Variants in PROS1 observed in about 807,000 individuals in gnomAD.
PROS1 encodes the protein protein S.
PROS1 carries 29 observed loss-of-function variants against 75.9 expected under a neutral mutation model. The observed-to-expected ratio is 0.38, with a 90% CI of 0.28 to 0.52. The LOEUF (loss-of-function observed/expected upper bound fraction) is 0.52, where lower values mean the gene tolerates loss of function less well. Ranked by LOEUF, PROS1 falls within the 20% of genes least tolerant of loss-of-function variation. The probability of loss-of-function intolerance (pLI) is 0.83; values close to 1 mark genes in which losing one functional copy is unlikely to be tolerated. For synonymous variants in PROS1, 245 were observed against 280.6 expected, an observed-to-expected ratio of 0.87 and a Z score of 1.27; for missense variants, 680 against 810.3, an observed-to-expected ratio of 0.84 and a Z score of 1.95.
chr3:93,955,742 A>C (rs1709588661), intron 1 of PROS1, among the ~76,000 whole-genome samples: 1 of 152,074 alleles, frequency 6.6e-6, no homozygotes, highest in South Asian at 2.1e-4. Flanking sequence ...AAAGAAAGGC[A>C]AAGAAAATTC....
At chr3:93,909,905 C>A (rs1014581035) in intron 4 of PROS1, among the ~76,000 whole-genome samples, 4 of 151,870 alleles carry the variant, frequency 2.6e-5, no homozygotes, top group Non-Finnish European at 4.4e-5. Flanking sequence ...TTATTCTGTT[C>A]TTTCGTAAAT....
In PROS1 at chr3:93,898,484, T is replaced by C; in HGVS notation, c.813A>G (p.Lys271=). ...TCTGATCTTGGGCAAGTTTGAATCCTTTCTTCCCATCACAATAGCAAGTGT... is the reference window on the plus strand; with the variant it reads ...TCTGATCTTGGGCAAGTTTGAATCCCTTCTTCCCATCACAATAGCAAGTGT... ...GGYTCYCDGK[K]GFKLAQDQKS... The change falls in exon 8 of 15, where the codon AAA becomes AAG. Residue 271 remains lysine (K), a synonymous_variant. Coordinates refer to ENST00000394236, the MANE Select transcript of PROS1 (RefSeq NM_000313.4). The C allele has an allele frequency of 6.2e-7, 1 of 1,612,796 alleles. No homozygotes were observed. Among genetic ancestry groups the C allele is most frequent in the Middle Eastern group, 1.7e-4 (1 of 6,050 alleles).
intron 1 of PROS1, among the ~76,000 whole-genome samples, chr3:93,963,271 A>C (rs1709735469): frequency 6.6e-6 from 1 of 152,174 alleles, no homozygotes; most frequent in Non-Finnish European, 1.5e-5. Flanking sequence ...TGACCATGAG[A>C]TGTAAACAGC....
intron 1 of PROS1, among the ~76,000 whole-genome samples, chr3:93,940,982 C>G (rs1460865931): frequency 1.3e-5 from 2 of 152,138 alleles, no homozygotes; most frequent in Admixed American, 1.3e-4. Context: ...TACCTTCCTC[C>G]ACAACTCACT....
At chr3:93,912,039 C>A (rs1462426183) in intron 3 of PROS1, among the ~76,000 whole-genome samples, 3 of 152,172 alleles carry the variant, frequency 2.0e-5, no homozygotes, top group Non-Finnish European at 4.4e-5. Context: ...GCTGCTATGA[C>A]AAATTACCAC....
intron 2 of PROS1, 31 bp downstream of exon 2, chr3:93,927,219 T>G: frequency 3.1e-6 from 5 of 1,611,776 alleles, no homozygotes; most frequent in Non-Finnish European, 4.2e-6. Flanking sequence ...TGTCTAGATG[T>G]GTGAACTTGA....
chr3:93,954,091 G>A (rs1225444417), intron 1 of PROS1, among the ~76,000 whole-genome samples: 4 of 152,150 alleles, frequency 2.6e-5, no homozygotes, highest in African/African-American at 7.2e-5. Flanking sequence ...CAAAAAAATG[G>A]AAGAACATTC....
chr3:93,949,828 G>A lies in PROS1; in HGVS notation c.77-22421C>T, dbSNP rs139032696. Among the ~76,000 whole-genome samples, 610 of 152,256 alleles carry A rather than the reference G, an allele frequency of 4.0e-3. 3 individuals carry two copies. The highest frequency in any genetic ancestry group is 0.01 in the Middle Eastern group (3 of 294). ...ACTGAGGTACCGGGTTCATGTCACT[G>A]GGACTTGTTGGACAGTGGGTGCAGC... On this transcript the variant is annotated intron_variant, in intron 1 of 14. Transcript: ENST00000394236.
chr3:93,950,997 C>T (rs1709486081), intron 1 of PROS1, among the ~76,000 whole-genome samples: 1 of 151,494 alleles, frequency 6.6e-6, no homozygotes, highest in African/African-American at 2.4e-5. Context: ...GCTTAAATGA[C>T]CTAATGGATC....
intron 1 of PROS1, among the ~76,000 whole-genome samples, chr3:93,966,583 G>A (rs372536998): frequency 1.3e-5 from 2 of 152,030 alleles, no homozygotes; most frequent in East Asian, 1.9e-4. Flanking sequence ...AAACTGCAGC[G>A]GGCACATTCT....
chr3:93,899,557 A>G (rs533421624), intron 7 of PROS1, among the ~76,000 whole-genome samples: 1 of 152,312 alleles, frequency 6.6e-6, no homozygotes, highest in Non-Finnish European at 1.5e-5. Flanking sequence ...GCAGACATCT[A>G]GAGTTTTCCA....
chr3:93,893,199 C>G, intron 9 of PROS1, 77 bp from the exon 10 acceptor site: 1 of 1,286,794 alleles, frequency 7.8e-7, no homozygotes, highest in Non-Finnish European at 1.1e-6. Context: ...TTTTCTTGTA[C>G]TGACAAACAG....
At position 93,887,076 on chromosome 3, in the gene PROS1, G is replaced by A. The variant is rs544482150; in HGVS notation, c.1156-573C>T. Among the ~76,000 whole-genome samples the A allele has an allele frequency of 4.0e-4, 60 of 151,692 alleles. No individual in the cohort carries two copies. The East Asian group carries it at 0.011, about 29-fold the overall frequency. On this transcript the variant is annotated intron_variant, in intron 10 of 14. Coordinates refer to ENST00000394236, the MANE Select transcript of PROS1 (RefSeq NM_000313.4). ...TGGGACTACAGGCGCCCGCCACTGC[G>A]CCCGGCTAATTTTTTGTATTTTTAG...
intron 12 of PROS1, among the ~76,000 whole-genome samples, chr3:93,883,162 G>A (rs775788391): frequency 2.6e-5 from 4 of 152,062 alleles, no homozygotes; most frequent in African/African-American, 4.8e-5. Flanking sequence ...CCCAACCTCC[G>A]CATCTTCTCT....
At chr3:93,925,165 C>T (rs1224644519) in intron 2 of PROS1, among the ~76,000 whole-genome samples, 1 of 152,146 alleles carries the variant, frequency 6.6e-6, no homozygotes, top group African/African-American at 2.4e-5. Context: ...GGCTAGTCCA[C>T]AAAAGCATTC....
Position 93,910,706 on chromosome 3 carries a change from C to A in PROS1, c.260-1G>T. ...CCAGTTTGAAAAGAGCGAAGACAAA[C>A]TGAAAATAAAAACAAACATAATCTT... is the stretch of plus-strand genomic sequence containing the variant. On this transcript the variant is annotated splice_acceptor_variant, in intron 3 of 14. Coordinates refer to ENST00000394236, the MANE Select transcript of PROS1 (RefSeq NM_000313.4). LOFTEE classifies it high-confidence loss of function. 6.2e-7 allele frequency: 1 copy of A among 1,609,832 alleles called. No homozygotes were observed. Among genetic ancestry groups the A allele is most frequent in the South Asian group, 1.1e-5 (1 of 90,642 alleles).
chr3:93,957,290 G>C (rs1709618454), intron 1 of PROS1, among the ~76,000 whole-genome samples: 1 of 152,148 alleles, frequency 6.6e-6, no homozygotes, highest in Non-Finnish European at 1.5e-5. Context: ...GAATATATAT[G>C]TGTGGACAAA....
chr3:93,904,813 GA>G (rs1190331057), intron 6 of PROS1, among the ~76,000 whole-genome samples: 2 of 151,092 alleles, frequency 1.3e-5, no homozygotes, highest in African/African-American at 2.4e-5. Context: ...TATACAAAGA[GA>G]AAAAAAGTCA....
chr3:93,956,579 C>CACACAA (rs1553819537), intron 1 of PROS1, among the ~76,000 whole-genome samples: 6 of 136,722 alleles, frequency 4.4e-5, no homozygotes, highest in African/African-American at 1.3e-4. Context: ...CACACACACA[C>CACACAA]ACACACACAC....
Sources: gnomAD v4.1 joint callset for allele counts (sites outside exome capture counted in the v4.1 genomes callset) on GRCh38, gnomAD v4.1.1 for gene constraint, MANE v1.5 for transcripts, NCBI Gene and HGNC (gene_info 2026-07-23, HGNC 2026-07-21) for gene names.